GRIN2A: variants seen among roughly 807,000 people sequenced by gnomAD.
GRIN2A encodes the protein glutamate ionotropic receptor NMDA type subunit 2A, also known as glutamate receptor ionotropic, NMDA 2A.
Under a neutral mutation model 113.4 loss-of-function variants are expected in GRIN2A, and 22 were observed. The observed-to-expected ratio is 0.19, with a 90% confidence interval of 0.14 to 0.28. GRIN2A has a LOEUF of 0.28. Ranked by LOEUF, GRIN2A falls within the 10% of genes least tolerant of loss-of-function variation. GRIN2A has a pLI of 1.00. For synonymous variants in GRIN2A, 827 were observed against 738.4 expected, an observed-to-expected ratio of 1.12 and a Z score of -1.94; for missense variants, 1,502 against 1,887.0, an observed-to-expected ratio of 0.80 and a Z score of 3.78.
At chr16:9,837,156 T>C (rs1309395396) in intron 7 of GRIN2A, among the ~76,000 whole-genome samples, 1 of 152,220 alleles carries the variant, frequency 6.6e-6, no homozygotes, top group Non-Finnish European at 1.5e-5. Flanking sequence ...GTAGCTTAGC[T>C]GGTTCATTAT....
chr16:9,921,363 A>C (rs1353707465), intron 3 of GRIN2A, among the ~76,000 whole-genome samples: 2 of 152,196 alleles, frequency 1.3e-5, no homozygotes, highest in East Asian at 1.9e-4. Context: ...ACGTCCTCGG[A>C]CCGCATGAAA....
At chr16:9,815,445 C>T (rs1393245150) in intron 10 of GRIN2A, among the ~76,000 whole-genome samples, 8 of 146,934 alleles carry the variant, frequency 5.4e-5, no homozygotes, top group South Asian at 2.2e-4. Context: ...ACCCAAACAA[C>T]CCAAATGTAA....
chr16:10,052,829 C>T (rs1283473553), intron 2 of GRIN2A, among the ~76,000 whole-genome samples: 2 of 152,096 alleles, frequency 1.3e-5, no homozygotes, highest in African/African-American at 2.4e-5. Context: ...GGGCAGATCA[C>T]CTGAGATCAA....
Position 9,949,069 on chromosome 16 carries a change from T to C in GRIN2A, c.415-10518A>G, listed in dbSNP as rs545806603. Among the ~76,000 whole-genome samples the C allele has an allele frequency of 3.9e-5, 6 of 152,086 alleles. No individual in the cohort carries two copies. In the South Asian group the frequency reaches 6.3e-4, roughly 16 times the overall value. ...CTAATGTGGGAGCTCACTGAGGAAA[T>C]AGGAAACAGCTGCCGCCTCCTCTCT... On this transcript the variant is annotated intron_variant, in intron 2 of 12. Transcript: ENST00000330684.
At chr16:10,160,372 T>C (rs2049786693) in intron 2 of GRIN2A, among the ~76,000 whole-genome samples, 1 of 152,200 alleles carries the variant, frequency 6.6e-6, no homozygotes, top group Non-Finnish European at 1.5e-5. Context: ...ATGTGAACTG[T>C]GGATGGGTTG....
intron 4 of GRIN2A, among the ~76,000 whole-genome samples, chr16:9,889,670 G>A (rs1264160227): frequency 6.6e-6 from 1 of 151,978 alleles, no homozygotes; most frequent in Non-Finnish European, 1.5e-5. Flanking sequence ...TTATCATTCT[G>A]ACTAAAGTAT....
chr16:9,971,296 C>G (rs1369250178), intron 2 of GRIN2A, among the ~76,000 whole-genome samples: 2 of 152,190 alleles, frequency 1.3e-5, no homozygotes, highest in Non-Finnish European at 2.9e-5. Context: ...GGTATGTCAA[C>G]TCAAAACTCA....
intron 2 of GRIN2A, among the ~76,000 whole-genome samples, chr16:10,022,332 C>T (rs957800228): frequency 4.6e-5 from 7 of 151,532 alleles, no homozygotes; most frequent in Non-Finnish European, 7.4e-5. Context: ...CACGCACACA[C>T]GCAAGCACGC....
At chr16:10,131,480 T>C (rs1207443727) in intron 2 of GRIN2A, among the ~76,000 whole-genome samples, 1 of 151,868 alleles carries the variant, frequency 6.6e-6, no homozygotes, top group African/African-American at 2.4e-5. Context: ...CATTTTTTTT[T>C]TTTTTAATGC....
intron 11 of GRIN2A, 143 bp downstream of exon 11, chr16:9,798,134 A>G (rs1903113622): frequency 1.4e-6 from 1 of 720,352 alleles, no homozygotes; most frequent in Admixed American, 2.2e-5. Flanking sequence ...CTAAAGAACC[A>G]TGGTTTCATG....
At chr16:10,071,767 C>T (rs1006272603) in intron 2 of GRIN2A, among the ~76,000 whole-genome samples, 1 of 152,228 alleles carries the variant, frequency 6.6e-6, no homozygotes, top group Non-Finnish European at 1.5e-5. Flanking sequence ...CTGCCTGCCA[C>T]TATCACTTCT....
At chr16:10,007,351 G>C (rs1210696214) in intron 2 of GRIN2A, among the ~76,000 whole-genome samples, 1 of 152,142 alleles carries the variant, frequency 6.6e-6, no homozygotes, top group Admixed American at 6.5e-5. Flanking sequence ...ACTTATTGTA[G>C]TTTTGAATTT....
At chr16:10,142,350 C>T (rs1457063540) in intron 2 of GRIN2A, among the ~76,000 whole-genome samples, 1 of 152,210 alleles carries the variant, frequency 6.6e-6, no homozygotes, top group Non-Finnish European at 1.5e-5. Flanking sequence ...AAGACTAAGG[C>T]TCCATACACG....
At chr16:10,146,283 A>G (rs2049438433) in intron 2 of GRIN2A, among the ~76,000 whole-genome samples, 1 of 151,922 alleles carries the variant, frequency 6.6e-6, no homozygotes, top group African/African-American at 2.4e-5. Flanking sequence ...ACGCCCGACT[A>G]ATTTTTATAT....
At chr16:10,054,512 C>T (rs1371413320) in intron 2 of GRIN2A, among the ~76,000 whole-genome samples, 2 of 152,118 alleles carry the variant, frequency 1.3e-5, no homozygotes, top group Non-Finnish European at 2.9e-5. Flanking sequence ...TGAAGATGCC[C>T]ACATCCTATG....
In GRIN2A at chr16:9,759,775, C is replaced by CGG. The variant is rs1900497033; in HGVS notation, c.*3373_*3374insCC. 4.4e-6 allele frequency: 1 copy of CGG among 227,966 alleles called. No individual in the cohort carries two copies. The highest frequency in any genetic ancestry group is 5.7e-5 in the Admixed American group (1 of 17,596). 14.1% of individuals were successfully genotyped at this position (227,966 alleles called of 1,614,324 possible). On this transcript the variant is annotated 3_prime_UTR_variant, in exon 13 of 13. Coordinates refer to ENST00000330684, the MANE Select transcript of GRIN2A (RefSeq NM_001134407.3). ...ATTATAATCCTGCAAGTCTCTCTGG[C>CGG]AGAAAGATAGACCTATAGGGACTTG...
chr16:10,073,959 A>T (rs2047816259), intron 2 of GRIN2A, among the ~76,000 whole-genome samples: 2 of 152,120 alleles, frequency 1.3e-5, no homozygotes, highest in Non-Finnish European at 2.9e-5. Flanking sequence ...GACACACAGA[A>T]AATATTTGCA....
chr16:9,788,521 G>C (rs1902380490), intron 11 of GRIN2A, among the ~76,000 whole-genome samples: 1 of 152,064 alleles, frequency 6.6e-6, no homozygotes, highest in South Asian at 2.1e-4. Context: ...GCCTCCTAAA[G>C]TGCCGGGATT....
intron 11 of GRIN2A, among the ~76,000 whole-genome samples, chr16:9,776,048 A>T (rs1901581958): frequency 1.3e-5 from 2 of 152,214 alleles, no homozygotes; most frequent in Non-Finnish European, 2.9e-5. Flanking sequence ...AGTGACTGGG[A>T]GAAACGCACT....
Sources: allele counts gnomAD v4.1 joint callset (sites outside exome capture counted in the v4.1 genomes callset), GRCh38; gene constraint gnomAD v4.1.1; transcripts MANE v1.5; gene names NCBI Gene and HGNC (gene_info 2026-07-23, HGNC 2026-07-21).